Variants in MKLN1 observed in about 807,000 individuals in gnomAD.
The protein encoded by MKLN1 is muskelin.
MKLN1 carries 18 observed loss-of-function variants against 99.0 expected under a neutral mutation model. The observed-to-expected ratio is 0.18, with a 90% CI of 0.13 to 0.27. MKLN1 has a LOEUF of 0.27. MKLN1 is among the 10% of genes least tolerant of loss of function. MKLN1 has a pLI of 1.00. For missense variants in MKLN1, 621 were observed against 875.9 expected (o/e 0.71, Z 3.67); for synonymous variants, 288 against 293.2 (o/e 0.98, Z 0.18).
At chr7:131,400,707 A>T (rs1001360658) in intron 6 of MKLN1, among the ~76,000 whole-genome samples, 2 of 151,930 alleles carry the variant, frequency 1.3e-5, no homozygotes, top group Non-Finnish European at 2.9e-5. Flanking sequence ...CTCTACAGTT[A>T]ATAAGCTAAA....
intron 8 of MKLN1, among the ~76,000 whole-genome samples, chr7:131,423,268 T>C (rs1189207767): frequency 6.6e-6 from 1 of 152,218 alleles, no homozygotes; most frequent in African/African-American, 2.4e-5. Flanking sequence ...AGCCTTTCTG[T>C]AGAAATTTGA....
intron 3 of MKLN1, among the ~76,000 whole-genome samples, chr7:131,259,086 C>T (rs1797696833): frequency 6.6e-6 from 1 of 152,100 alleles, no homozygotes; most frequent in South Asian, 2.1e-4. Context: ...TTCTTCTCCA[C>T]TCTTTTGAAC....
At chr7:131,395,394 G>A (rs1794327772) in intron 4 of MKLN1, among the ~76,000 whole-genome samples, 2 of 151,894 alleles carry the variant, frequency 1.3e-5, no homozygotes, top group Admixed American at 1.3e-4. Context: ...CTAGACAGAT[G>A]TGTACTTGAT....
chr7:131,450,943 C>T (rs181195846), intron 12 of MKLN1, among the ~76,000 whole-genome samples: 15 of 152,244 alleles, frequency 9.9e-5, no homozygotes, highest in Admixed American at 9.8e-4. Context: ...TCTTAAAGAG[C>T]ATTCAGTGGT....
chr7:131,260,674 G>A (rs1797718291), intron 3 of MKLN1, among the ~76,000 whole-genome samples: 1 of 152,138 alleles, frequency 6.6e-6, no homozygotes, highest in South Asian at 2.1e-4. Context: ...GAACAAAGCT[G>A]GAGGCATCAC....
intron 8 of MKLN1, 70 bp from the exon 9 acceptor site, chr7:131,428,963 C>A: frequency 8.3e-7 from 1 of 1,205,582 alleles, no homozygotes; most frequent in Non-Finnish European, 1.2e-6. Flanking sequence ...TTAGAAACAG[C>A]TGGCTAGGTT....
At chr7:131,342,892 C>G (rs17165571) in intron 1 of MKLN1, among the ~76,000 whole-genome samples, 10,504 of 152,094 alleles carry the variant, frequency 0.069, 436 homozygotes, top group East Asian at 0.19. Flanking sequence ...TTTGAAATTC[C>G]TATTTTTACC....
intron 12 of MKLN1, among the ~76,000 whole-genome samples, chr7:131,457,527 TAAAG>T (rs1181916741): frequency 1.3e-5 from 2 of 151,974 alleles, no homozygotes; most frequent in African/African-American, 2.4e-5. Context: ...GGAAAAAAGA[TAAAG>T]AAATAGAAAA....
At chr7:131,174,953 TGATAGATAGATAGATAGATAGATAGATA>T (rs150554970) in intron 2 of MKLN1, among the ~76,000 whole-genome samples, 2 of 140,880 alleles carry the variant, frequency 1.4e-5, no homozygotes, top group Non-Finnish European at 3.0e-5. Flanking sequence ...AACTGGTAGA[TGATAGATAGATAGATAGATAGATAGATA>T]GATAGATAGA....
intron 1 of MKLN1, among the ~76,000 whole-genome samples, chr7:131,362,618 C>T (rs532119648): frequency 1.3e-5 from 2 of 151,836 alleles, no homozygotes; most frequent in East Asian, 1.9e-4. Flanking sequence ...ATTTTTTTGT[C>T]GAGTCCAATT....
At chr7:131,162,807 T>G (rs960774699) in intron 2 of MKLN1, among the ~76,000 whole-genome samples, 7 of 152,196 alleles carry the variant, frequency 4.6e-5, no homozygotes, top group Admixed American at 6.5e-5. Context: ...TCATGAACAT[T>G]TTTTACATGT....
intron 2 of MKLN1, among the ~76,000 whole-genome samples, chr7:131,385,194 C>A (rs1171246228): frequency 6.6e-6 from 1 of 152,196 alleles, no homozygotes; most frequent in Non-Finnish European, 1.5e-5. Flanking sequence ...TGTCAGTGTG[C>A]ATTCCTTCAT....
intron 1 of MKLN1, among the ~76,000 whole-genome samples, chr7:131,343,819 G>A (rs1799478643): frequency 6.6e-6 from 1 of 152,158 alleles, no homozygotes; most frequent in African/African-American, 2.4e-5. Flanking sequence ...CTGAGAATGT[G>A]TGAATTGCAA....
intron 2 of MKLN1, among the ~76,000 whole-genome samples, chr7:131,152,008 A>G (rs1438221824): frequency 6.6e-6 from 1 of 152,066 alleles, no homozygotes; most frequent in African/African-American, 2.4e-5. Flanking sequence ...CAAGTTCCAG[A>G]TATTATATTA....
chr7:131,465,318 C>G (rs1254001553), intron 14 of MKLN1, among the ~76,000 whole-genome samples: 1 of 152,134 alleles, frequency 6.6e-6, no homozygotes, highest in East Asian at 1.9e-4. Flanking sequence ...TTATACCTCT[C>G]ACTTCTACCA....
intron 2 of MKLN1, among the ~76,000 whole-genome samples, chr7:131,181,344 A>T (rs1176338266): frequency 6.6e-6 from 1 of 152,236 alleles, no homozygotes; most frequent in Non-Finnish European, 1.5e-5. Context: ...ACATGTTATC[A>T]GGTTTAAACA....
intron 9 of MKLN1, among the ~76,000 whole-genome samples, chr7:131,433,575 G>A (rs1425988565): frequency 6.6e-6 from 1 of 152,126 alleles, no homozygotes; most frequent in Non-Finnish European, 1.5e-5. Context: ...TGCCTGCAAT[G>A]TATGAGATTT....
intron 3 of MKLN1, among the ~76,000 whole-genome samples, chr7:131,231,140 AAAG>A: frequency 6.6e-6 from 1 of 151,476 alleles, no homozygotes; most frequent in South Asian, 2.1e-4. Flanking sequence ...AAAAAAAAAA[AAAG>A]GTTTTAAATC....
chr7:131,343,459 A>G (rs544367116), intron 1 of MKLN1, among the ~76,000 whole-genome samples: 1 of 152,266 alleles, frequency 6.6e-6, no homozygotes, highest in Non-Finnish European at 1.5e-5. Context: ...GATTTATTTT[A>G]TAGTTACACT....
Sources: allele counts gnomAD v4.1 joint callset (sites outside exome capture counted in the v4.1 genomes callset), GRCh38; gene constraint gnomAD v4.1.1; transcripts MANE v1.5; gene names NCBI Gene and HGNC (gene_info 2026-07-23, HGNC 2026-07-21).